The following DAB2IP variants were observed in gnomAD, a reference collection of about 807,000 sequenced individuals.
DAB2IP encodes the protein DAB2 interacting protein, also known as disabled homolog 2-interacting protein.
A neutral mutation model predicts 107.2 loss-of-function variants in DAB2IP; 28 were observed. The observed-to-expected ratio is 0.26, with a 90% CI of 0.19 to 0.36. DAB2IP has a LOEUF of 0.36. Among genes scored for constraint, DAB2IP ranks in the 10% least tolerant of loss-of-function variants. The pLI is 1.00. For synonymous variants in DAB2IP, 755 were observed against 706.4 expected (o/e 1.07, Z -1.09); for missense variants, 1,400 against 1,644.7 (o/e 0.85, Z 2.57).
intron 2 of DAB2IP, among the ~76,000 whole-genome samples, chr9:121,679,863 G>GAA (rs1256940327): frequency 6.6e-6 from 1 of 152,052 alleles, no homozygotes; most frequent in African/African-American, 2.4e-5. Context: ...CAGAGAGAGA[G>GAA]AGAGAGGGAC....
At chr9:121,644,804 G>T (rs943415300) in intron 1 of DAB2IP, among the ~76,000 whole-genome samples, 1 of 152,168 alleles carries the variant, frequency 6.6e-6, no homozygotes, top group Non-Finnish European at 1.5e-5. Context: ...GTGATCTGGG[G>T]TCACACAGTG....
rs886905080 is a variant in DAB2IP, at chr9:121,773,498, C to T, written c.2967+3C>T. The T allele has an allele frequency of 3.3e-6, 5 of 1,498,038 alleles. No homozygotes were observed. The African/African-American group carries it at 5.6e-5, about 17-fold the overall frequency. The allele number at this position is 1,498,038 out of a possible 1,614,324, so 92.8% of individuals were successfully genotyped here. A position where few individuals can be genotyped will look rare whatever the true frequency, so the allele number is the denominator to read the frequency against. On this transcript the variant is annotated splice_donor_region_variant and intron_variant, in intron 12 of 15. Transcript: ENST00000408936. Reference sequence around the variant, plus strand: ...AGCCACGGGCAGTGCACAAGCAGGTCAGTGCTGCTAGTCAGAGGGCAGGGC... The same window carrying T: ...AGCCACGGGCAGTGCACAAGCAGGTTAGTGCTGCTAGTCAGAGGGCAGGGC...
chr9:121,781,332 C>T, intron 14 of DAB2IP, 132 bp from the exon 15 acceptor site: 1 of 816,230 alleles, frequency 1.2e-6, no homozygotes, highest in Non-Finnish European at 2.0e-6. Context: ...GTATGGGAGG[C>T]AAGTCTCTGA....
At chr9:121,640,780 C>A (rs1021417349) in intron 1 of DAB2IP, among the ~76,000 whole-genome samples, 3 of 152,200 alleles carry the variant, frequency 2.0e-5, no homozygotes, top group Non-Finnish European at 4.4e-5. Context: ...CAGTCCTGAG[C>A]CTCTGGACCT....
Position 121,643,618 on chromosome 9 carries a change from C to T in DAB2IP, c.41-35060C>T, listed in dbSNP as rs186531270. Among the ~76,000 whole-genome samples the T allele has an allele frequency of 2.1e-3, 314 of 152,156 alleles. 4 individuals carry two copies. The highest frequency in any genetic ancestry group is 6.9e-3 in the African/African-American group (286 of 41,558). Reference sequence around the variant, plus strand: ...TGCTGTCTCTCCCTCCAAGAATATACTTTTCTGCTCGCTATGCAGTCAACT... The same window carrying T: ...TGCTGTCTCTCCCTCCAAGAATATATTTTTCTGCTCGCTATGCAGTCAACT... On this transcript the variant is annotated intron_variant, in intron 1 of 16. Transcript: ENST00000259371.
intron 3 of DAB2IP, among the ~76,000 whole-genome samples, chr9:121,742,625 C>G (rs1387747276): frequency 6.6e-6 from 1 of 152,218 alleles, no homozygotes; most frequent in African/African-American, 2.4e-5. Flanking sequence ...CCAGGAGAAG[C>G]TCCACTCTTG....
At chr9:121,650,386 T>G (rs1298061799), upstream of DAB2IP, among the ~76,000 whole-genome samples, 3 of 152,206 alleles carry the variant, frequency 2.0e-5, no homozygotes, top group African/African-American at 7.2e-5. Flanking sequence ...GGGAGGGGGC[T>G]TCCCCTGTGA....
intron 1 of DAB2IP, among the ~76,000 whole-genome samples, chr9:121,660,610 T>C (rs1010697095): frequency 1.3e-5 from 2 of 152,178 alleles, no homozygotes; most frequent in African/African-American, 4.8e-5. Context: ...GGGCCAGTGC[T>C]GGGCTCCTGC....
intron 1 of DAB2IP, among the ~76,000 whole-genome samples, chr9:121,601,913 C>T (rs1256339638): frequency 5.3e-5 from 8 of 150,690 alleles, no homozygotes; most frequent in South Asian, 2.1e-4. Context: ...TGTGCGCGTG[C>T]GTGTGTGCTC....
intron 1 of DAB2IP, among the ~76,000 whole-genome samples, chr9:121,652,807 C>CT (rs145794380): frequency 0.028 from 4,271 of 152,260 alleles, 81 homozygotes; most frequent in South Asian, 0.058. Flanking sequence ...ACCCTGCAGG[C>CT]TGCCGTTGTG....
exon 16 of DAB2IP, chr9:121,783,269 C>T (rs1835787268): frequency 7.4e-7 from 1 of 1,350,410 alleles, no homozygotes; most frequent in Non-Finnish European, 9.5e-7. Context: ...CACAGCTTCC[C>T]ACACCTCCCA....
chr9:121,665,210 C>T (rs1833368224), intron 1 of DAB2IP, among the ~76,000 whole-genome samples: 1 of 152,160 alleles, frequency 6.6e-6, no homozygotes, highest in Non-Finnish European at 1.5e-5. Flanking sequence ...ATATAGATTT[C>T]AAATAAACAT....
upstream of DAB2IP, among the ~76,000 whole-genome samples, chr9:121,651,268 C>G (rs560731937): frequency 1.1e-4 from 17 of 152,350 alleles, no homozygotes; most frequent in South Asian, 6.2e-4. The surrounding 1 kb of genome is among the most constrained non-coding windows in gnomAD (Gnocchi z 5.1). Flanking sequence ...GCCCAGCGAG[C>G]CTGGGGCAGG....
At chr9:121,685,345 G>A (rs565879844) in intron 2 of DAB2IP, among the ~76,000 whole-genome samples, 4 of 152,366 alleles carry the variant, frequency 2.6e-5, no homozygotes, top group African/African-American at 7.2e-5. Context: ...GATGTTCTTC[G>A]GGGCAGGAGT....
At chr9:121,598,300 G>A (rs932326427) in intron 1 of DAB2IP, 1 of 152,348 alleles carries the variant, frequency 6.6e-6, no homozygotes, top group Non-Finnish European at 1.5e-5. Context: ...ACGACTGGGA[G>A]AGCAGCTCTC....
chr9:121,618,245 G>A (rs1040725160), intron 1 of DAB2IP, among the ~76,000 whole-genome samples: 1 of 152,228 alleles, frequency 6.6e-6, no homozygotes, highest in Admixed American at 6.5e-5. Flanking sequence ...ATGGGGAAAG[G>A]GGAGTCCCCA....
At chr9:121,682,580 A>G (rs1463119708) in intron 2 of DAB2IP, among the ~76,000 whole-genome samples, 1 of 152,198 alleles carries the variant, frequency 6.6e-6, no homozygotes, top group East Asian at 1.9e-4. Context: ...TCTGTAGGGC[A>G]TTGAAGGCTC....
rs1235935433 is a variant in DAB2IP at position 121,700,114 on chromosome 9, C to T, written c.362+656C>T. Among the ~76,000 whole-genome samples the T allele has an allele frequency of 7.9e-5, 12 of 152,182 alleles. No homozygotes were observed. The South Asian group carries it at 1.2e-3, about 16-fold the overall frequency. On this transcript the variant is annotated intron_variant, in intron 3 of 15. Transcript: ENST00000408936. Reference sequence around the variant, plus strand: ...CTCCAGCCTAGGCAGCTGCTTCTCTCCTTCCCTCACCTCTCCACTCTCAGG... The same window carrying T: ...CTCCAGCCTAGGCAGCTGCTTCTCTTCTTCCCTCACCTCTCCACTCTCAGG...
chr9:121,709,561 A>T (rs1394538655), intron 3 of DAB2IP, among the ~76,000 whole-genome samples: 1 of 152,216 alleles, frequency 6.6e-6, no homozygotes, highest in African/African-American at 2.4e-5. Flanking sequence ...CCTACAGCTC[A>T]TAAGTGGCAG....
Sources: gnomAD v4.1 joint callset for allele counts (sites outside exome capture counted in the v4.1 genomes callset) on GRCh38, gnomAD v4.1.1 for gene constraint, Gnocchi (gnomAD v3.1) non-coding constraint, MANE v1.5 for transcripts, NCBI Gene and HGNC (gene_info 2026-07-23, HGNC 2026-07-21) for gene names.